Variants in CDC42BPA observed in about 807,000 individuals in gnomAD.
The protein encoded by CDC42BPA is CDC42 binding protein kinase alpha.
Under a neutral mutation model 223.5 loss-of-function variants are expected in CDC42BPA, and 80 were observed. That is an observed-to-expected ratio of 0.36 (90% confidence interval 0.30 to 0.43). The LOEUF (loss-of-function observed/expected upper bound fraction) is 0.43, where lower values mean the gene tolerates loss of function less well. Among genes scored for constraint, CDC42BPA ranks in the 20% least tolerant of loss-of-function variants. CDC42BPA has a pLI of 1.00. For synonymous variants in CDC42BPA, 694 were observed against 718.6 expected, an observed-to-expected ratio of 0.97 and a Z score of 0.55; for missense variants, 1,743 against 2,099.9, an observed-to-expected ratio of 0.83 and a Z score of 3.32.
chr1:227,200,031 T>A (rs2150220108), intron 3 of CDC42BPA, among the ~76,000 whole-genome samples: 1 of 152,282 alleles, frequency 6.6e-6, no homozygotes, highest in Admixed American at 6.5e-5. Flanking sequence ...GTGAACCCAT[T>A]CTCTTCCCTT....
chr1:227,264,852 G>GT, intron 1 of CDC42BPA: 6 of 1,527,912 alleles, frequency 3.9e-6, no homozygotes, highest in Non-Finnish European at 5.4e-6. Context: ...ATTCCTTCAG[G>GT]TAAGTCTGGA....
intron 1 of CDC42BPA, among the ~76,000 whole-genome samples, chr1:227,296,605 C>A (rs1420005164): frequency 6.6e-6 from 1 of 150,446 alleles, no homozygotes; most frequent in African/African-American, 2.5e-5. Context: ...ACTTGGGAGG[C>A]TGAAGCAGGA....
At chr1:227,056,424 T>C (rs549821280) in intron 21 of CDC42BPA, among the ~76,000 whole-genome samples, 32 of 151,858 alleles carry the variant, frequency 2.1e-4, no homozygotes, top group Non-Finnish European at 3.7e-4. Flanking sequence ...TCTTTCTCTC[T>C]TGCCCTGGGA....
At chr1:227,220,207 T>C (rs1675577553) in intron 2 of CDC42BPA, among the ~76,000 whole-genome samples, 2 of 151,070 alleles carry the variant, frequency 1.3e-5, no homozygotes, top group South Asian at 2.1e-4. Context: ...CTGCCTTACA[T>C]ATCCTAATGA....
chr1:227,290,858 C>CA, intron 1 of CDC42BPA, among the ~76,000 whole-genome samples: 1 of 152,202 alleles, frequency 6.6e-6, no homozygotes, highest in East Asian at 1.9e-4. Context: ...AGGGGAAACA[C>CA]AAAGTATAGC....
At chr1:227,247,122 C>T (rs564979455) in intron 2 of CDC42BPA, among the ~76,000 whole-genome samples, 10 of 151,778 alleles carry the variant, frequency 6.6e-5, no homozygotes, top group African/African-American at 2.2e-4. Flanking sequence ...AATCACAGAA[C>T]CTGGGAGGCA....
intron 17 of CDC42BPA, 49 bp from the exon 18 acceptor site, chr1:227,074,413 T>G: frequency 7.9e-7 from 1 of 1,267,802 alleles, no homozygotes; most frequent in Middle Eastern, 1.9e-4. Flanking sequence ...AAAGCTTCAG[T>G]GCAATATATG....
At chr1:227,174,078 T>G (rs1000211886) in intron 5 of CDC42BPA, among the ~76,000 whole-genome samples, 3 of 152,110 alleles carry the variant, frequency 2.0e-5, no homozygotes, top group African/African-American at 7.2e-5. Flanking sequence ...AGTGTAACAG[T>G]TTTTAACTAT....
At chr1:227,007,141 AT>A (rs1220734703) in intron 34 of CDC42BPA, among the ~76,000 whole-genome samples, 1 of 152,244 alleles carries the variant, frequency 6.6e-6, no homozygotes, top group Non-Finnish European at 1.5e-5. Flanking sequence ...CAAAGGATCA[AT>A]TTGTTAAGTA....
At chr1:227,226,566 C>T (rs1676900074) in intron 2 of CDC42BPA, among the ~76,000 whole-genome samples, 1 of 152,164 alleles carries the variant, frequency 6.6e-6, no homozygotes, top group Admixed American at 6.5e-5. Flanking sequence ...ATTTGAAGTT[C>T]TCAAAGGACA....
intron 1 of CDC42BPA, among the ~76,000 whole-genome samples, chr1:227,264,030 G>C (rs1558902348): frequency 6.6e-6 from 1 of 152,152 alleles, no homozygotes; most frequent in Non-Finnish European, 1.5e-5. Context: ...TCTTTGGTCA[G>C]TGCAGAATAT....
At chr1:227,106,732 T>A (rs1256154014) in intron 14 of CDC42BPA, among the ~76,000 whole-genome samples, 1 of 152,224 alleles carries the variant, frequency 6.6e-6, no homozygotes, top group Admixed American at 6.5e-5. Context: ...CAATTTGAGT[T>A]AATTTGTATA....
chr1:227,084,047 G>T (rs941484526), intron 16 of CDC42BPA, among the ~76,000 whole-genome samples: 4 of 152,088 alleles, frequency 2.6e-5, no homozygotes, highest in Admixed American at 6.6e-5. Flanking sequence ...TTCTCTTTAG[G>T]ATCTTGGTCA....
chr1:227,112,988 T>C lies in CDC42BPA; in HGVS notation c.1648-75A>G, dbSNP rs1277542781. 10 of 1,472,368 alleles carry C rather than the reference T, an allele frequency of 6.8e-6. No homozygotes were observed. The Admixed American group carries it at 2.0e-4, about 29-fold the overall frequency. 91.2% of individuals were successfully genotyped at this position (1,472,368 alleles called of 1,614,324 possible). Reference sequence around the variant, plus strand: ...CCAAATTTGGCCATCAGAATAGCTATCATTAAGTCAAGAAGAGCCAAAATT... The same window carrying C: ...CCAAATTTGGCCATCAGAATAGCTACCATTAAGTCAAGAAGAGCCAAAATT... On this transcript the variant is annotated intron_variant, in intron 12 of 36. Coordinates refer to ENST00000366766, the MANE Select transcript of CDC42BPA (RefSeq NM_001394014.1).
chr1:227,108,597 T>TA (rs2149363314), intron 14 of CDC42BPA, among the ~76,000 whole-genome samples: 2 of 152,280 alleles, frequency 1.3e-5, no homozygotes, highest in South Asian at 4.1e-4. Context: ...AAAAGTTCTA[T>TA]ATATGGTTGT....
chr1:227,092,054 TA>T (rs1572752933), intron 15 of CDC42BPA, 63 bp from the exon 16 acceptor site: 2 of 899,508 alleles, frequency 2.2e-6, no homozygotes, highest in East Asian at 5.0e-5. Context: ...AACTTGAAAT[TA>T]TTTTTCCAAT....
At chr1:227,316,932 A>G (rs1694507243) in intron 1 of CDC42BPA, 73 bp downstream of exon 1, 2 of 1,118,866 alleles carry the variant, frequency 1.8e-6, no homozygotes, top group Admixed American at 2.2e-5. Flanking sequence ...GAGTTTACTC[A>G]TAACTCTCTA....
At chr1:227,105,918 T>C (rs1685845927) in intron 14 of CDC42BPA, among the ~76,000 whole-genome samples, 1 of 152,196 alleles carries the variant, frequency 6.6e-6, no homozygotes, top group Non-Finnish European at 1.5e-5. Flanking sequence ...GTAAAGCATC[T>C]ATTAGAGTTC....
intron 14 of CDC42BPA, among the ~76,000 whole-genome samples, chr1:227,103,165 T>G (rs1012106110): frequency 4.6e-5 from 7 of 152,118 alleles, no homozygotes; most frequent in African/African-American, 1.7e-4. Flanking sequence ...GTAAAATAGT[T>G]AAAAAAATGA....
Sources: allele counts gnomAD v4.1 joint callset (sites outside exome capture counted in the v4.1 genomes callset), GRCh38; gene constraint gnomAD v4.1.1; transcripts MANE v1.5; gene names NCBI Gene and HGNC (gene_info 2026-07-23, HGNC 2026-07-21).